TDRD3: variants seen among roughly 807,000 people sequenced by gnomAD.
TDRD3 encodes tudor domain containing 3.
TDRD3 carries 45 observed loss-of-function variants against 86.7 expected under a neutral mutation model. The observed-to-expected ratio is 0.52, with a 90% CI of 0.41 to 0.67. The LOEUF is 0.67. TDRD3 is among the 30% of genes least tolerant of loss of function. The probability of loss-of-function intolerance (pLI) is 0.00; values close to 1 mark genes in which losing one functional copy is unlikely to be tolerated. For missense variants in TDRD3, 814 were observed against 889.0 expected (o/e 0.92, Z 1.07); for synonymous variants, 298 against 301.7 (o/e 0.99, Z 0.13).
At chr13:60,451,834 C>T (rs1021723367) in intron 3 of TDRD3, among the ~76,000 whole-genome samples, 1 of 152,146 alleles carries the variant, frequency 6.6e-6, no homozygotes, top group African/African-American at 2.4e-5. Flanking sequence ...AGGCTATTCT[C>T]TCCCCTGCCC....
At chr13:60,504,466 A>G (rs1393157315) in intron 8 of TDRD3, among the ~76,000 whole-genome samples, 1 of 152,194 alleles carries the variant, frequency 6.6e-6, no homozygotes, top group Non-Finnish European at 1.5e-5. Context: ...TACAACCTTA[A>G]AACATTTAGC....
intron 4 of TDRD3, among the ~76,000 whole-genome samples, chr13:60,464,131 T>C (rs1037379310): frequency 3.9e-5 from 6 of 152,156 alleles, no homozygotes; most frequent in African/African-American, 1.4e-4. Flanking sequence ...CTCACCAGAA[T>C]TGGATGCTGA....
chr13:60,551,031 A>G (rs376405138), intron 12 of TDRD3, among the ~76,000 whole-genome samples: 1 of 152,218 alleles, frequency 6.6e-6, no homozygotes, highest in African/African-American at 2.4e-5. Context: ...GAACTATAGC[A>G]TATAAATTAT....
upstream of TDRD3, chr13:60,396,715 C>CG (rs759023932): frequency 6.6e-6 from 1 of 152,426 alleles, no homozygotes; most frequent in South Asian, 2.1e-4. Context: ...GATCTGCCCG[C>CG]GGGGACTCAA....
chr13:60,554,138 C>T (rs745989254), intron 12 of TDRD3, among the ~76,000 whole-genome samples: 1 of 152,116 alleles, frequency 6.6e-6, no homozygotes, highest in Admixed American at 6.5e-5. Context: ...TCAGCCAGTC[C>T]TGCTGTCAGT....
intron 1 of TDRD3, among the ~76,000 whole-genome samples, chr13:60,438,000 A>G (rs1955163364): frequency 1.3e-5 from 2 of 152,104 alleles, no homozygotes; most frequent in Non-Finnish European, 2.9e-5. Context: ...TTGAGCTCCT[A>G]TAACATTTTT....
intron 8 of TDRD3, among the ~76,000 whole-genome samples, chr13:60,501,688 A>G (rs1199875166): frequency 6.6e-6 from 1 of 152,204 alleles, no homozygotes; most frequent in Admixed American, 6.5e-5. Flanking sequence ...CAAACCATCC[A>G]CAAAATGCTT....
At chr13:60,446,058 C>T (rs1229014285) in intron 3 of TDRD3, among the ~76,000 whole-genome samples, 1 of 152,092 alleles carries the variant, frequency 6.6e-6, no homozygotes, top group Non-Finnish European at 1.5e-5. Flanking sequence ...ATTATTATGT[C>T]AAATTTTATC....
At chr13:60,416,157 T>G (rs1365221439) in intron 1 of TDRD3, among the ~76,000 whole-genome samples, 1 of 152,186 alleles carries the variant, frequency 6.6e-6, no homozygotes, top group East Asian at 1.9e-4. Flanking sequence ...ATGGCAAAAA[T>G]GATCCACTTT....
chr13:60,485,725 A>G, intron 6 of TDRD3, 74 bp from the exon 7 acceptor site: 1 of 1,187,552 alleles, frequency 8.4e-7, no homozygotes. Flanking sequence ...CTTTTGAAGA[A>G]GTATTACTTT....
chr13:60,459,653 C>G (rs1331349026), intron 3 of TDRD3, among the ~76,000 whole-genome samples: 1 of 152,202 alleles, frequency 6.6e-6, no homozygotes, highest in Non-Finnish European at 1.5e-5. Flanking sequence ...CGGAGTCTCG[C>G]TCTGTCATCC....
At chr13:60,429,842 C>CTT (rs67377067) in intron 1 of TDRD3, among the ~76,000 whole-genome samples, 2 of 152,044 alleles carry the variant, frequency 1.3e-5, no homozygotes, top group Non-Finnish European at 2.9e-5. Flanking sequence ...AAATTGTATT[C>CTT]TCTTTCTCAT....
intron 10 of TDRD3, among the ~76,000 whole-genome samples, chr13:60,521,501 C>A (rs1253026269): frequency 1.3e-5 from 2 of 151,990 alleles, no homozygotes; most frequent in Non-Finnish European, 2.9e-5. Flanking sequence ...GAATGAGATA[C>A]CTATAGTCAC....
chr13:60,565,257 T>TG (rs1455556547), intron 12 of TDRD3, among the ~76,000 whole-genome samples: 2 of 151,922 alleles, frequency 1.3e-5, no homozygotes, highest in Non-Finnish European at 2.9e-5. Context: ...AGGTTTCACC[T>TG]TGTTAGCCAG....
chr13:60,492,129 C>T (rs990741685), intron 7 of TDRD3, among the ~76,000 whole-genome samples: 4 of 151,974 alleles, frequency 2.6e-5, no homozygotes, highest in Non-Finnish European at 5.9e-5. Flanking sequence ...AAAGCAACTC[C>T]GAAAATGCTG....
intron 1 of TDRD3, among the ~76,000 whole-genome samples, chr13:60,422,993 G>A (rs1343767383): frequency 6.6e-6 from 1 of 152,076 alleles, no homozygotes; most frequent in Non-Finnish European, 1.5e-5. Context: ...TTAACTCCAA[G>A]ACATATCCCA....
At chr13:60,540,197 C>T (rs1432961850) in intron 12 of TDRD3, among the ~76,000 whole-genome samples, 5 of 152,066 alleles carry the variant, frequency 3.3e-5, no homozygotes, top group African/African-American at 1.2e-4. Flanking sequence ...CAGAGATCAC[C>T]ATGTGAGCAG....
At chr13:60,540,280 A>G (rs1957781780) in intron 12 of TDRD3, among the ~76,000 whole-genome samples, 1 of 152,186 alleles carries the variant, frequency 6.6e-6, no homozygotes, top group African/African-American at 2.4e-5. Context: ...GCCCCATTTA[A>G]GAACATAATT....
intron 1 of TDRD3, among the ~76,000 whole-genome samples, chr13:60,429,477 T>G (rs750877136): frequency 2.0e-5 from 3 of 152,318 alleles, no homozygotes; most frequent in East Asian, 1.9e-4. Context: ...TTGACATTAT[T>G]GTTTTAAATT....
Sources: gnomAD v4.1 joint callset for allele counts (sites outside exome capture counted in the v4.1 genomes callset) on GRCh38, gnomAD v4.1.1 for gene constraint, MANE v1.5 for transcripts, NCBI Gene and HGNC (gene_info 2026-07-23, HGNC 2026-07-21) for gene names.